ADCY2: variants seen among roughly 807,000 people sequenced by gnomAD.
ADCY2 encodes adenylate cyclase 2, also known as adenylate cyclase type 2.
Under a neutral mutation model 125.2 loss-of-function variants are expected in ADCY2, and 31 were observed. That is an observed-to-expected ratio of 0.25 (90% CI 0.19 to 0.33). The LOEUF (loss-of-function observed/expected upper bound fraction) is 0.33, where lower values mean the gene tolerates loss of function less well. Among genes scored for constraint, ADCY2 ranks in the 10% least tolerant of loss-of-function variants. The probability of loss-of-function intolerance (pLI) is 1.00; values close to 1 mark genes in which losing one functional copy is unlikely to be tolerated. For missense variants in ADCY2, 904 were observed against 1,418.2 expected (o/e 0.64, Z 5.82); for synonymous variants, 512 against 548.4 (o/e 0.93, Z 0.93).
At chr5:7,636,465 G>T (rs539964953) in intron 4 of ADCY2, among the ~76,000 whole-genome samples, 246 of 152,340 alleles carry the variant, frequency 1.6e-3, no homozygotes, top group African/African-American at 5.7e-3. Flanking sequence ...GTGGGGATTA[G>T]TAGGGTGTAT....
At chr5:7,591,586 A>G (rs1327819846) in intron 3 of ADCY2, among the ~76,000 whole-genome samples, 1 of 152,180 alleles carries the variant, frequency 6.6e-6, no homozygotes, top group Admixed American at 6.5e-5. Context: ...GTCGATGGTT[A>G]TACAGCAACT....
At chr5:7,428,641 GA>G (rs1740476018) in intron 2 of ADCY2, among the ~76,000 whole-genome samples, 1 of 152,102 alleles carries the variant, frequency 6.6e-6, no homozygotes, top group Non-Finnish European at 1.5e-5. Flanking sequence ...CCAGTGAGGG[GA>G]TAATTTCATT....
chr5:7,428,022 C>G (rs1033072199), intron 2 of ADCY2, among the ~76,000 whole-genome samples: 2 of 152,176 alleles, frequency 1.3e-5, no homozygotes, highest in Non-Finnish European at 2.9e-5. Flanking sequence ...GGCAGGCCCC[C>G]TCTAAGACTG....
intron 2 of ADCY2, among the ~76,000 whole-genome samples, chr5:7,449,779 G>C (rs1377503009): frequency 6.6e-6 from 1 of 152,166 alleles, no homozygotes; most frequent in East Asian, 1.9e-4. Context: ...AACAAAGTCT[G>C]TTGGTGCCAT....
At chr5:7,739,208 C>CA (rs949801261) in intron 14 of ADCY2, among the ~76,000 whole-genome samples, 16 of 151,648 alleles carry the variant, frequency 1.1e-4, no homozygotes, top group African/African-American at 3.4e-4. Context: ...AATATGAGGA[C>CA]AAAAAAATCA....
intron 3 of ADCY2, among the ~76,000 whole-genome samples, chr5:7,541,985 T>C (rs775786430): frequency 3.9e-5 from 6 of 152,224 alleles, no homozygotes; most frequent in African/African-American, 9.6e-5. Flanking sequence ...AGCTGACTTA[T>C]GTTAACTAGC....
At chr5:7,658,705 T>C (rs1225923918) in intron 4 of ADCY2, among the ~76,000 whole-genome samples, 1 of 152,124 alleles carries the variant, frequency 6.6e-6, no homozygotes, top group African/African-American at 2.4e-5. Flanking sequence ...CAATAAAATG[T>C]GTGTGTCTAT....
intron 2 of ADCY2, among the ~76,000 whole-genome samples, chr5:7,415,442 A>G (rs1161407008): frequency 6.6e-6 from 1 of 152,150 alleles, no homozygotes; most frequent in African/African-American, 2.4e-5. Context: ...ATCTCGAACC[A>G]CAGTTTCGAC....
chr5:7,453,686 T>A (rs1198349505), intron 2 of ADCY2, among the ~76,000 whole-genome samples: 1 of 152,154 alleles, frequency 6.6e-6, no homozygotes, highest in Non-Finnish European at 1.5e-5. Flanking sequence ...CTTTTCGACT[T>A]GGGGAAGTAT....
In ADCY2 at chr5:7,599,681, G is replaced by C. The variant is rs1737132569; in HGVS notation, c.571-26486G>C. 2.0e-5 allele frequency among the ~76,000 whole-genome samples: 3 copies of C among 152,164 alleles called. No individual in the cohort carries two copies. In the South Asian group the frequency reaches 6.2e-4, roughly 32 times the overall value. On this transcript the variant is annotated intron_variant, in intron 3 of 24. Coordinates refer to ENST00000338316, the MANE Select transcript of ADCY2 (RefSeq NM_020546.3). ...GGAGCCAACACAGTCACTTAGATGA[G>C]ATCTTGTGAGAGTAAAGGCACGATC...
At chr5:7,585,902 G>A (rs1015971256) in intron 3 of ADCY2, among the ~76,000 whole-genome samples, 1 of 152,172 alleles carries the variant, frequency 6.6e-6, no homozygotes, top group African/African-American at 2.4e-5. Context: ...TCATCATTTC[G>A]CGATTTGTAT....
chr5:7,773,156 G>A (rs1743608215), intron 18 of ADCY2, 55 bp downstream of exon 18: 13 of 1,552,066 alleles, frequency 8.4e-6, no homozygotes, highest in Non-Finnish European at 1.1e-5. Context: ...CCTGTGGATA[G>A]CATGAGTGTG....
intron 24 of ADCY2, among the ~76,000 whole-genome samples, chr5:7,822,277 A>G (rs16879167): frequency 0.036 from 5,529 of 152,268 alleles, 241 homozygotes; most frequent in African/African-American, 0.11. Flanking sequence ...TTTTGCTTAA[A>G]CTGTGGTTAG....
intron 2 of ADCY2, among the ~76,000 whole-genome samples, chr5:7,416,994 G>A (rs1579422474): frequency 6.6e-6 from 1 of 152,190 alleles, no homozygotes. Context: ...AAGTCCATTT[G>A]GGTTCTGGAT....
intron 19 of ADCY2, 44 bp downstream of exon 19, chr5:7,784,493 G>A (rs754373411): frequency 2.8e-6 from 4 of 1,436,184 alleles, no homozygotes; most frequent in Non-Finnish European, 3.9e-6. Context: ...CTTCTCTAAA[G>A]TGCTGTATTA....
chr5:7,575,792 T>G (rs1561104255), intron 3 of ADCY2, among the ~76,000 whole-genome samples: 1 of 152,180 alleles, frequency 6.6e-6, no homozygotes, highest in Non-Finnish European at 1.5e-5. Flanking sequence ...CAAAATGTTC[T>G]AACACCAATG....
chr5:7,804,509 G>C (rs1373629038), intron 21 of ADCY2, 76 bp from the exon 22 acceptor site: 1 of 1,126,982 alleles, frequency 8.9e-7, no homozygotes, highest in Admixed American at 1.8e-5. Context: ...ACCAGCATTT[G>C]AGAATGTCTC....
intron 3 of ADCY2, among the ~76,000 whole-genome samples, chr5:7,556,987 A>C (rs532355997): frequency 2.0e-5 from 3 of 152,180 alleles, no homozygotes; most frequent in African/African-American, 7.2e-5. Flanking sequence ...GAAACGATAG[A>C]TGATTTTAGT....
chr5:7,420,665 C>G (rs1186149602), intron 2 of ADCY2, among the ~76,000 whole-genome samples: 1 of 152,184 alleles, frequency 6.6e-6, no homozygotes, highest in Middle Eastern at 3.2e-3. Context: ...CAGATGAAAA[C>G]TCTTTTAAAA....
Sources: gnomAD v4.1 joint callset for allele counts (sites outside exome capture counted in the v4.1 genomes callset) on GRCh38, gnomAD v4.1.1 for gene constraint, MANE v1.5 for transcripts, NCBI Gene and HGNC (gene_info 2026-07-23, HGNC 2026-07-21) for gene names.